KCNQ1OT1: variants seen among roughly 807,000 people sequenced by gnomAD.
KCNQ1OT1 encodes the protein KCNQ1 antisense RNA 2 (non-protein coding).
Position 2,679,381 on chromosome 11 carries a change from G to T in KCNQ1OT1, n.20614C>A, listed in dbSNP as rs1850348364. The T allele has an allele frequency of 2.5e-6, 1 of 398,512 alleles. No homozygotes were observed. The highest frequency in any genetic ancestry group is 4.4e-5 in the Admixed American group (1 of 22,716). 24.7% of individuals were successfully genotyped at this position (398,512 alleles called of 1,614,324 possible). On this transcript the variant is annotated non_coding_transcript_exon_variant, in exon 1 of 1. Coordinates refer to ENST00000597346, the Ensembl canonical transcript of KCNQ1OT1. This position sits in a 1 kb window ranked among gnomAD's most constrained non-coding sequence, Gnocchi z 4.8. ...ACCTTGAGTGAGTCACTTAGTCTCA[G>T]TTTCTTTATTTGTAAAATGGGAATC...
chr11:2,670,489 T>C lies in KCNQ1OT1; in HGVS notation n.29506A>G, dbSNP rs1590021206. 5.0e-6 allele frequency: 2 copies of C among 397,126 alleles called. No homozygotes were observed. Among genetic ancestry groups the C allele is most frequent in the East Asian group, 3.6e-5 (1 of 28,050 alleles). The allele number at this position is 397,126 out of a possible 1,614,324, so 24.6% of individuals were successfully genotyped here. A position where few individuals can be genotyped will look rare whatever the true frequency, so the allele number is the denominator to read the frequency against. Reference sequence around the variant, plus strand: ...CTTGGTAGGTCCCTCAGAGAGCATCTAGTGGGCCTGTCCTCCCAGCTCACA... The same window carrying C: ...CTTGGTAGGTCCCTCAGAGAGCATCCAGTGGGCCTGTCCTCCCAGCTCACA... On this transcript the variant is annotated non_coding_transcript_exon_variant, in exon 1 of 1. Transcript: ENST00000597346. This position sits in a 1 kb window ranked among gnomAD's most constrained non-coding sequence, Gnocchi z 4.9.
At chr11:2,694,374 A>G (rs1158902257) in exon 1 of KCNQ1OT1, 5 of 398,564 alleles carry the variant, frequency 1.3e-5, no homozygotes, top group Non-Finnish European at 1.8e-5. Flanking sequence ...ATTTTTGGCT[A>G]TCATGACTAT....
chr11:2,633,387 T>A (rs1405354055), exon 1 of KCNQ1OT1: 1 of 398,448 alleles, frequency 2.5e-6, no homozygotes, highest in East Asian at 3.6e-5. Flanking sequence ...ACAGTCCCAT[T>A]TGTCTATTTT....
In KCNQ1OT1 at chr11:2,670,710, T is replaced by C. The variant is rs1286478297; in HGVS notation, n.29285A>G. 5.0e-6 allele frequency: 2 copies of C among 398,438 alleles called. No homozygotes were observed. The highest frequency in any genetic ancestry group is 8.8e-6 in the Non-Finnish European group (2 of 226,120). 24.7% of individuals were successfully genotyped at this position (398,438 alleles called of 1,614,324 possible). The stretch of plus-strand genomic sequence containing the variant: ...CAAGACAAAGGGATTCTGTGGCCCA[T>C]GGAGCAGGAGGGAACAGTCTGCAGA... On this transcript the variant is annotated non_coding_transcript_exon_variant, in exon 1 of 1. Coordinates refer to ENST00000597346, the Ensembl canonical transcript of KCNQ1OT1. This position sits in a 1 kb window ranked among gnomAD's most constrained non-coding sequence, Gnocchi z 4.9.
At chr11:2,648,325 G>A (rs1455224519) in exon 1 of KCNQ1OT1, 4 of 398,302 alleles carry the variant, frequency 1.0e-5, no homozygotes, top group Admixed American at 8.8e-5. Context: ...GGTTTGATTT[G>A]TTCTTGCTTT....
At position 2,651,223 on chromosome 11, in the gene KCNQ1OT1, C is replaced by T; in HGVS notation, n.48772G>A. On this transcript the variant is annotated non_coding_transcript_exon_variant, in exon 1 of 1. Transcript: ENST00000597346. This position sits in a 1 kb window ranked among gnomAD's most constrained non-coding sequence, Gnocchi z 6.1. ...CTGTCACCCTGTCTTGTGTCAGTCTCACAGCACACACAGCTTAATTCAGGA... is the reference window on the plus strand; with the variant it reads ...CTGTCACCCTGTCTTGTGTCAGTCTTACAGCACACACAGCTTAATTCAGGA... The T allele has an allele frequency of 2.5e-6, 1 of 398,642 alleles. No homozygotes were observed. Among genetic ancestry groups the T allele is most frequent in the Non-Finnish European group, 4.4e-6 (1 of 226,084 alleles). 24.7% of individuals were successfully genotyped at this position (398,642 alleles called of 1,614,324 possible). A position where few individuals can be genotyped will look rare whatever the true frequency, so the allele number is the denominator to read the frequency against.
chr11:2,665,114 C>T, exon 1 of KCNQ1OT1: 1 of 398,506 alleles, frequency 2.5e-6, no homozygotes, highest in Non-Finnish European at 4.4e-6. Flanking sequence ...GTCGCTGCAC[C>T]CCAGCCTATA....
rs931302769 is a variant in KCNQ1OT1 at position 2,660,041 on chromosome 11, T to A, written n.39954A>T. The A allele has an allele frequency of 1.3e-5, 5 of 398,358 alleles. No individual in the cohort carries two copies. The Admixed American group carries it at 2.2e-4, about 18-fold the overall frequency. 24.7% of individuals were successfully genotyped at this position (398,358 alleles called of 1,614,324 possible). ...TGTTGCACAGCAAAAGCTTTTAATT[T>A]TGATAAAGTCCAATTTGTTGATTCT... On this transcript the variant is annotated non_coding_transcript_exon_variant, in exon 1 of 1. Transcript: ENST00000597346.
At chr11:2,633,338 G>A (rs1196598484) in exon 1 of KCNQ1OT1, 1 of 398,322 alleles carries the variant, frequency 2.5e-6, no homozygotes, top group Non-Finnish European at 4.4e-6. Context: ...TCTCTTAATA[G>A]TTTATTATTT....
exon 1 of KCNQ1OT1, chr11:2,649,972 C>T (rs1219217290): frequency 1.5e-5 from 6 of 398,304 alleles, no homozygotes; most frequent in Non-Finnish European, 2.2e-5. Flanking sequence ...CGCAGGCATT[C>T]TTCATTCTTT....
At chr11:2,699,116 C>T in exon 1 of KCNQ1OT1, 1 of 398,652 alleles carries the variant, frequency 2.5e-6, no homozygotes, top group Non-Finnish European at 4.4e-6. Context: ...CTCAGAACCA[C>T]GATGCGGATT....
chr11:2,639,417 T>C (rs1485706818), exon 1 of KCNQ1OT1: 1 of 152,264 alleles, frequency 6.6e-6, no homozygotes, highest in African/African-American at 2.4e-5. Context: ...TGTTTGTTAG[T>C]TTTCCTTCTA....
At chr11:2,699,961 G>A in exon 1 of KCNQ1OT1, 1 of 398,342 alleles carries the variant, frequency 2.5e-6, no homozygotes. Flanking sequence ...GAGCTCCCTG[G>A]AGGTCCGTGC....
exon 1 of KCNQ1OT1, chr11:2,665,578 A>G (rs888477112): frequency 5.1e-6 from 2 of 393,650 alleles, no homozygotes; most frequent in African/African-American, 2.1e-5. Flanking sequence ...CATCTTTCCA[A>G]CGTCTGCTCA....
At chr11:2,680,172 G>A (rs890576911) in exon 1 of KCNQ1OT1, 17 of 394,674 alleles carry the variant, frequency 4.3e-5, no homozygotes, top group Non-Finnish European at 6.2e-5. Context: ...GATTACGGGC[G>A]TGAGCCAATG....
At chr11:2,650,313 T>C (rs1348723455) in exon 1 of KCNQ1OT1, 1 of 398,508 alleles carries the variant, frequency 2.5e-6, no homozygotes, top group African/African-American at 2.1e-5. Context: ...AAGTCATGTT[T>C]TCTTGTTTTT....
chr11:2,622,203 C>A, exon 1 of KCNQ1OT1: 1 of 398,334 alleles, frequency 2.5e-6, no homozygotes, highest in South Asian at 1.3e-4. Context: ...CCAATTCTGT[C>A]AGTATATTTT....
Position 2,674,031 on chromosome 11 carries a change from G to C in KCNQ1OT1, n.25964C>G. On this transcript the variant is annotated non_coding_transcript_exon_variant, in exon 1 of 1. Transcript: ENST00000597346. The surrounding 1 kb of genome is among the most constrained non-coding windows in gnomAD (Gnocchi z 5.9). ...GTGCTTTCTGGCTCTTTGGGCCTGG[G>C]GTGCAGCCCCTCATTTGTACTTGCT... 2.5e-6 allele frequency: 1 copy of C among 398,580 alleles called. No individual in the cohort carries two copies. Among genetic ancestry groups the C allele is most frequent in the Non-Finnish European group, 4.4e-6 (1 of 226,050 alleles). The allele number at this position is 398,580 out of a possible 1,614,324, so 24.7% of individuals were successfully genotyped here. A position where few individuals can be genotyped will look rare whatever the true frequency, so the allele number is the denominator to read the frequency against.
exon 1 of KCNQ1OT1, chr11:2,684,822 C>T: frequency 2.5e-6 from 1 of 398,652 alleles, no homozygotes; most frequent in Non-Finnish European, 4.4e-6. Flanking sequence ...TTGAGGTCTC[C>T]TAGTCAAGGC....
Sources: allele counts gnomAD v4.1 joint callset, GRCh38; gene constraint gnomAD v4.1.1; non-coding constraint Gnocchi (gnomAD v3.1); transcripts MANE v1.5; gene names NCBI Gene and HGNC (gene_info 2026-07-23, HGNC 2026-07-21).